Variants in LRRC40 observed in about 807,000 individuals in gnomAD.
LRRC40 encodes the protein leucine-rich repeat-containing protein 40.
In LRRC40, 76 loss-of-function variants were observed where a neutral mutation model predicts 72.8. The ratio of observed to expected loss-of-function variants is 1.04; its 90% CI spans 0.87 to 1.26. The LOEUF is 1.26. Among genes scored for constraint, LRRC40 ranks in the 50% most tolerant of loss-of-function variants. The pLI is 0.00. For missense variants in LRRC40, 684 were observed against 698.9 expected, an observed-to-expected ratio of 0.98 and a Z score of 0.24; for synonymous variants, 243 against 254.2, an observed-to-expected ratio of 0.96 and a Z score of 0.42.
chr1:70,164,006 T>TG (rs1475038059), intron 9 of LRRC40, among the ~76,000 whole-genome samples: 5 of 152,080 alleles, frequency 3.3e-5, no homozygotes, highest in Non-Finnish European at 7.4e-5. Context: ...TGGTCTCTGG[T>TG]GGGGGCGCTC....
At position 70,170,590 on chromosome 1, in the gene LRRC40, A is replaced by C. The variant is rs187642571; in HGVS notation, c.1111+2875T>G. 2.2e-3 allele frequency among the ~76,000 whole-genome samples: 328 copies of C among 152,320 alleles called. 1 individual carries two copies. Among genetic ancestry groups the C allele is most frequent in the Non-Finnish European group, 3.9e-3 (266 of 68,012 alleles). On this transcript the variant is annotated intron_variant, in intron 9 of 14. Transcript: ENST00000370952. ...ATTGTATTCCTATACAGTTGCAAAG[A>C]ACAGCACAAAAATGGAATTAAGAAA...
intron 9 of LRRC40, among the ~76,000 whole-genome samples, chr1:70,160,894 G>A (rs1471264258): frequency 6.6e-6 from 1 of 150,864 alleles, no homozygotes; most frequent in Non-Finnish European, 1.5e-5. Context: ...GGCCATGTAA[G>A]TGCCAAACAC....
At chr1:70,169,377 C>T (rs993942815) in intron 9 of LRRC40, among the ~76,000 whole-genome samples, 1 of 152,076 alleles carries the variant, frequency 6.6e-6, no homozygotes, top group Admixed American at 6.6e-5. Context: ...CTTTAACCAC[C>T]CAGAACGCTG....
intron 6 of LRRC40, among the ~76,000 whole-genome samples, chr1:70,177,194 T>C (rs1558120962): frequency 1.3e-5 from 2 of 152,114 alleles, no homozygotes; most frequent in Non-Finnish European, 1.5e-5. Context: ...GAGAATCACT[T>C]GAACTCGTGA....
chr1:70,173,390 T>C, intron 9 of LRRC40, 75 bp downstream of exon 9: 1 of 1,072,062 alleles, frequency 9.3e-7, no homozygotes, highest in Non-Finnish European at 1.4e-6. Flanking sequence ...CCAAAAGACA[T>C]TTAAATTTAT....
intron 9 of LRRC40, among the ~76,000 whole-genome samples, chr1:70,165,690 A>C (rs1474579997): frequency 1.3e-5 from 2 of 152,190 alleles, no homozygotes; most frequent in Non-Finnish European, 2.9e-5. Flanking sequence ...AAAAATATGA[A>C]GCAATGAAGT....
chr1:70,180,693 T>A (rs189814737), intron 5 of LRRC40, among the ~76,000 whole-genome samples: 1 of 152,244 alleles, frequency 6.6e-6, no homozygotes, highest in Admixed American at 6.5e-5. Flanking sequence ...ACAAGACTTA[T>A]TTCTCGACAT....
chr1:70,167,230 T>TA (rs376215808), intron 9 of LRRC40, among the ~76,000 whole-genome samples: 9,479 of 126,890 alleles, frequency 0.075, 642 homozygotes, highest in African/African-American at 0.19. Context: ...TAAAAAGTGT[T>TA]AAAAAAAAAA....
chr1:70,194,627 T>A lies in LRRC40; in HGVS notation c.152-5354A>T, dbSNP rs569714180. ...AAAAGAACTAAATTAGGTCAAAAAA[T>A]TTTGAAATAAAAGAACAAAACAGGA... On this transcript the variant is annotated intron_variant, in intron 1 of 14. Coordinates refer to ENST00000370952, the MANE Select transcript of LRRC40 (RefSeq NM_017768.5). Among the ~76,000 whole-genome samples the A allele has an allele frequency of 2.0e-3, 302 of 150,618 alleles. 1 individual carries two copies. Among genetic ancestry groups the A allele is most frequent in the African/African-American group, 7.2e-3 (294 of 40,930 alleles).
rs1667474426 is a variant in LRRC40 at position 70,151,118 on chromosome 1, G to C, written c.1517+10C>G. 3 of 1,440,528 alleles carry C rather than the reference G, an allele frequency of 2.1e-6. No homozygotes were observed. Among genetic ancestry groups the C allele is most frequent in the Middle Eastern group, 1.8e-4 (1 of 5,466 alleles). The allele number at this position is 1,440,528 out of a possible 1,614,324, so 89.2% of individuals were successfully genotyped here. A position where few individuals can be genotyped will look rare whatever the true frequency, so the allele number is the denominator to read the frequency against. On this transcript the variant is annotated intron_variant, in intron 13 of 14. Coordinates refer to ENST00000370952, the MANE Select transcript of LRRC40 (RefSeq NM_017768.5). The stretch of plus-strand genomic sequence containing the variant: ...CACAGAATAACAATTAGAATTGTCT[G>C]TTCTCTTACCTATTAAAGGAAAGAT...
chr1:70,175,971 T>G lies in LRRC40; in HGVS notation c.816A>C (p.Val272=). ...PSCSLLKELH[V]GENQIEMLEA... ...CTAACATTTCAATCTGGTTTTCACC[T>G]ACGTGCAATTCCTACAAAATCAAAG... Residue 272 remains valine (V), a synonymous_variant, in exon 7 of 15, where the codon GTA becomes GTC. Coordinates refer to ENST00000370952, the MANE Select transcript of LRRC40 (RefSeq NM_017768.5). 6.4e-7 allele frequency: 1 copy of G among 1,565,598 alleles called. No homozygotes were observed. Among genetic ancestry groups the G allele is most frequent in the Non-Finnish European group, 8.6e-7 (1 of 1,161,734 alleles).
chr1:70,188,307 C>T (rs959489287), intron 2 of LRRC40, among the ~76,000 whole-genome samples: 4 of 151,956 alleles, frequency 2.6e-5, no homozygotes, highest in Non-Finnish European at 5.9e-5. Flanking sequence ...CAGGACATGG[C>T]AACAAAGGAC....
chr1:70,190,677 T>TAAAAAAAAAAAAAAAAAAAAAA (rs59341874), intron 1 of LRRC40, among the ~76,000 whole-genome samples: 16 of 54,352 alleles, frequency 2.9e-4, no homozygotes, highest in Non-Finnish European at 3.9e-4. Flanking sequence ...ACCCTGTCTC[T>TAAAAAAAAAAAAAAAAAAAAAA]AAAAAAAAAA....
At chr1:70,187,696 T>C (rs1021842291) in intron 2 of LRRC40, among the ~76,000 whole-genome samples, 81 of 151,386 alleles carry the variant, frequency 5.4e-4, no homozygotes, top group African/African-American at 1.7e-3. Flanking sequence ...TCAGGCGTAG[T>C]GGCGCACACC....
At chr1:70,156,005 T>C (rs962364249) in intron 10 of LRRC40, among the ~76,000 whole-genome samples, 3 of 152,112 alleles carry the variant, frequency 2.0e-5, no homozygotes, top group Non-Finnish European at 4.4e-5. Context: ...TTATAACATA[T>C]TGTGCTACAT....
intron 10 of LRRC40, among the ~76,000 whole-genome samples, chr1:70,157,426 A>T (rs1667662462): frequency 6.6e-6 from 1 of 152,220 alleles, no homozygotes; most frequent in African/African-American, 2.4e-5. Context: ...AAGAAAAACA[A>T]ATCCGAATAA....
chr1:70,188,375 G>A (rs183639714), intron 2 of LRRC40, among the ~76,000 whole-genome samples: 115 of 152,310 alleles, frequency 7.6e-4, no homozygotes, highest in Non-Finnish European at 1.2e-3. Context: ...TTAACTCAAT[G>A]AGGTTGAAGG....
intron 11 of LRRC40, among the ~76,000 whole-genome samples, chr1:70,155,454 TAAAAGA>T (rs1191306632): frequency 6.6e-6 from 1 of 151,996 alleles, no homozygotes; most frequent in Non-Finnish European, 1.5e-5. Context: ...AGTTTAAACA[TAAAAGA>T]AAAAGAAACA....
Position 70,178,950 on chromosome 1 carries a change from T to C in LRRC40, c.705A>G (p.Ile235Met), listed in dbSNP as rs957393129. Residue 235 changes from isoleucine (I) to methionine (M), a missense_variant, in exon 6 of 15, where the codon ATA (isoleucine) becomes ATG (methionine). By Grantham distance (10) the Ile-to-Met change is conservative (BLOSUM62 1). Coordinates refer to ENST00000370952, the MANE Select transcript of LRRC40 (RefSeq NM_017768.5). ...ATTCCATGCCAGCCAATTCAGGAGG[T>C]ATAGTTTCCAAGAGATTTGAATTAC... is the stretch of plus-strand genomic sequence containing the variant. ...LDCNSNLLETIPPELAGMESL... is the reference protein window; with the variant it reads ...LDCNSNLLETMPPELAGMESL... The C allele has an allele frequency of 4.8e-5, 77 of 1,601,416 alleles. No individual in the cohort carries two copies. The highest frequency in any genetic ancestry group is 6.5e-5 in the Non-Finnish European group (76 of 1,171,790).
Sources: allele counts gnomAD v4.1 joint callset (sites outside exome capture counted in the v4.1 genomes callset), GRCh38; gene constraint gnomAD v4.1.1; transcripts MANE v1.5; gene names NCBI Gene and HGNC (gene_info 2026-07-23, HGNC 2026-07-21).